The following C3orf22 variants were observed in gnomAD, a reference collection of about 807,000 sequenced individuals.
C3orf22 encodes the protein uncharacterized protein C3orf22.
C3orf22 carries 7 observed loss-of-function variants against 10.8 expected under a neutral mutation model. The observed-to-expected ratio is 0.65, with a 90% confidence interval of 0.37 to 1.22. The LOEUF (loss-of-function observed/expected upper bound fraction) is 1.22, where lower values mean the gene tolerates loss of function less well. C3orf22 is among the 50% of genes most tolerant of loss of function. The pLI, the probability that C3orf22 is intolerant of heterozygous loss-of-function variation, is 0.02. For synonymous variants in C3orf22, 79 were observed against 78.9 expected, an observed-to-expected ratio of 1.00 and a Z score of 0.00; for missense variants, 173 against 177.0, an observed-to-expected ratio of 0.98 and a Z score of 0.13.
At chr3:126,539,130 T>C (rs1936866203) in intron 4 of C3orf22, among the ~76,000 whole-genome samples, 1 of 152,048 alleles carries the variant, frequency 6.6e-6, no homozygotes, top group Non-Finnish European at 1.5e-5. Flanking sequence ...AATTCAAGCA[T>C]ATGCAAGAAG....
chr3:126,530,562 C>T lies in C3orf22; in HGVS notation c.287-1190G>A, dbSNP rs191839766. 8.5e-5 allele frequency among the ~76,000 whole-genome samples: 13 copies of T among 152,376 alleles called. No individual in the cohort carries two copies. The East Asian group carries it at 9.6e-4, about 11-fold the overall frequency. ...AAAGGGACACGTCTCATCTGCAACA[C>T]GGCGAGAAGGCCTGGCCTCCTCTCA... On this transcript the variant is annotated intron_variant and NMD_transcript_variant, in intron 4 of 5. Coordinates refer to the C3orf22 transcript ENST00000505070.
chr3:126,549,117 T>C (rs575544245), downstream of C3orf22, among the ~76,000 whole-genome samples: 2 of 152,190 alleles, frequency 1.3e-5, no homozygotes, highest in African/African-American at 4.8e-5. Flanking sequence ...ACATTACTGA[T>C]GTTGTAATAC....
downstream of C3orf22, among the ~76,000 whole-genome samples, chr3:126,545,761 T>A (rs188034213): frequency 1.9e-3 from 292 of 152,296 alleles, 6 homozygotes; most frequent in Admixed American, 0.018. Context: ...GGCTCCTGCA[T>A]GAAGATAAAG....
chr3:126,544,172 T>C (rs943547308), intron 4 of C3orf22, among the ~76,000 whole-genome samples: 1 of 152,138 alleles, frequency 6.6e-6, no homozygotes, highest in Non-Finnish European at 1.5e-5. Flanking sequence ...TGAGTCACCA[T>C]GGGAGTGGGA....
intron 4 of C3orf22, among the ~76,000 whole-genome samples, chr3:126,543,629 T>G (rs1450042103): frequency 6.6e-6 from 1 of 152,034 alleles, no homozygotes; most frequent in Non-Finnish European, 1.5e-5. Context: ...CTCCCACCTT[T>G]GTGCGTGTGT....
In C3orf22 at chr3:126,553,413, C is replaced by T; in HGVS notation, c.-23G>A. ...CATCACTGAGTGGGTTAAGCTGAGGCACACCTCTCAGCCATGGCTGGAAGA... is the reference window on the plus strand; with the variant it reads ...CATCACTGAGTGGGTTAAGCTGAGGTACACCTCTCAGCCATGGCTGGAAGA... On this transcript the variant is annotated 5_prime_UTR_variant, in exon 2 of 4. Transcript: ENST00000318225. 3 of 1,604,950 alleles carry T rather than the reference C, an allele frequency of 1.9e-6. No individual in the cohort carries two copies. The highest frequency in any genetic ancestry group is 2.6e-6 in the Non-Finnish European group (3 of 1,172,406).
At chr3:126,531,683 A>G (rs994336429) in intron 4 of C3orf22, among the ~76,000 whole-genome samples, 3 of 152,188 alleles carry the variant, frequency 2.0e-5, no homozygotes, top group Admixed American at 6.5e-5. Context: ...CATGTTATGG[A>G]TATACCACAT....
chr3:126,530,274 C>G (rs1308915764), intron 4 of C3orf22, among the ~76,000 whole-genome samples: 13 of 152,244 alleles, frequency 8.5e-5, no homozygotes, highest in Admixed American at 7.8e-4. Flanking sequence ...GGTACCTGCT[C>G]CCTTTTCCCT....
chr3:126,556,477 G>A (rs1455970646), intron 1 of C3orf22, among the ~76,000 whole-genome samples: 2 of 151,942 alleles, frequency 1.3e-5, no homozygotes, highest in African/African-American at 4.8e-5. Context: ...CCTGGGTGCA[G>A]CTCCCAAGTG....
intron 4 of C3orf22, among the ~76,000 whole-genome samples, chr3:126,539,862 C>CATACACATACAA (rs1560142703): frequency 0.02 from 10 of 498 alleles, no homozygotes; most frequent in Admixed American, 0.065. Flanking sequence ...CACACACACC[C>CATACACATACAA]CACACCACAC....
chr3:126,544,152 G>C (rs1222013563), intron 4 of C3orf22, among the ~76,000 whole-genome samples: 1 of 152,192 alleles, frequency 6.6e-6, no homozygotes, highest in Non-Finnish European at 1.5e-5. Flanking sequence ...TTGATGGGTT[G>C]ATGGATTAAT....
exon 6 of C3orf22, chr3:126,527,561 C>T (rs73859516): frequency 0.074 from 11,237 of 152,450 alleles, 1,140 homozygotes; most frequent in African/African-American, 0.23. Flanking sequence ...GTCTCTGAGC[C>T]AGTCAGGTGG....
intron 1 of C3orf22, among the ~76,000 whole-genome samples, chr3:126,555,615 C>T (rs533867177): frequency 3.7e-4 from 56 of 152,298 alleles, no homozygotes; most frequent in Middle Eastern, 3.4e-3. Flanking sequence ...TAGCTCATCC[C>T]TGATGATCTG....
In C3orf22 at chr3:126,549,756, G is replaced by T. The variant is rs905585494; in HGVS notation, c.*112C>A. 1.4e-5 allele frequency: 21 copies of T among 1,506,722 alleles called. No homozygotes were observed. The African/African-American group carries it at 2.6e-4, about 19-fold the overall frequency. The allele number at this position is 1,506,722 out of a possible 1,614,324, so 93.3% of individuals were successfully genotyped here. A position where few individuals can be genotyped will look rare whatever the true frequency, so the allele number is the denominator to read the frequency against. On this transcript the variant is annotated 3_prime_UTR_variant, in exon 4 of 4. Coordinates refer to ENST00000318225, the MANE Select transcript of C3orf22 (RefSeq NM_152533.3). ...TTTGGGGGGACCACAAACCACTCCC[G>T]GTCTATGATGGCCATGAAGGCTGAT...
At chr3:126,546,703 C>T (rs1323151019), downstream of C3orf22, among the ~76,000 whole-genome samples, 1 of 152,010 alleles carries the variant, frequency 6.6e-6, no homozygotes, top group African/African-American at 2.4e-5. Context: ...AGAAAATGAA[C>T]ATTGTTTAAC....
Position 126,549,996 on chromosome 3 carries a change from G to T in C3orf22, c.298C>A (p.Leu100Ile). The change falls in exon 4 of 4, where the codon CTT becomes ATT. Residue 100 changes from leucine (L) to isoleucine (I), a missense_variant. Coordinates refer to ENST00000318225, the MANE Select transcript of C3orf22 (RefSeq NM_152533.3). ...PAPSPPPLCN[L>I]WELKLLSRRF... ...CGACTCAGCAACTTGAGTTCCCAAAGGTTGCACAGTGGAGGTGGTGATGGT... is the reference window on the plus strand; with the variant it reads ...CGACTCAGCAACTTGAGTTCCCAAATGTTGCACAGTGGAGGTGGTGATGGT... 6.2e-7 allele frequency: 1 copy of T among 1,614,148 alleles called. No homozygotes were observed. Among genetic ancestry groups the T allele is most frequent in the Non-Finnish European group, 8.5e-7 (1 of 1,180,026 alleles).
intron 2 of C3orf22, among the ~76,000 whole-genome samples, chr3:126,552,654 G>A (rs1348177429): frequency 1.3e-5 from 2 of 152,178 alleles, no homozygotes; most frequent in African/African-American, 2.4e-5. Flanking sequence ...TGGTCCCTGT[G>A]GGTAGCCCTG....
intron 4 of C3orf22, among the ~76,000 whole-genome samples, chr3:126,533,087 G>A (rs1258788530): frequency 2.0e-5 from 3 of 151,982 alleles, no homozygotes; most frequent in East Asian, 1.9e-4. Flanking sequence ...ATCTTGCATC[G>A]TGCAACCTTG....
chr3:126,540,970 G>T (rs1177655195), intron 4 of C3orf22, among the ~76,000 whole-genome samples: 1 of 152,298 alleles, frequency 6.6e-6, no homozygotes, highest in African/African-American at 2.4e-5. Flanking sequence ...ATAGGCAGGG[G>T]TGTTAATCTT....
Sources: gnomAD v4.1 joint callset for allele counts (sites outside exome capture counted in the v4.1 genomes callset) on GRCh38, gnomAD v4.1.1 for gene constraint, MANE v1.5 for transcripts, NCBI Gene and HGNC (gene_info 2026-07-23, HGNC 2026-07-21) for gene names.